BTBD9: variants seen among roughly 807,000 people sequenced by gnomAD.
The protein encoded by BTBD9 is BTB/POZ domain-containing protein 9.
A neutral mutation model predicts 64.3 loss-of-function variants in BTBD9; 49 were observed. The ratio of observed to expected loss-of-function variants is 0.76; its 90% CI spans 0.61 to 0.97. BTBD9 has a LOEUF of 0.97. BTBD9 is among the 50% of genes least tolerant of loss of function. The pLI is 0.00. For synonymous variants in BTBD9, 260 were observed against 274.7 expected (o/e 0.95, Z 0.53); for missense variants, 598 against 762.1 (o/e 0.78, Z 2.53).
chr6:38,565,955 G>A (rs1273222159), intron 6 of BTBD9: 2 of 152,118 alleles, frequency 1.3e-5, no homozygotes, highest in African/African-American at 4.8e-5. Context: ...AAGTAGGTTG[G>A]TCTGAAGTAG....
At chr6:38,350,040 C>A (rs1252159647) in intron 6 of BTBD9, among the ~76,000 whole-genome samples, 2 of 152,186 alleles carry the variant, frequency 1.3e-5, no homozygotes, top group South Asian at 4.1e-4. Flanking sequence ...CCCTTCTTGG[C>A]AGAGAATGTG....
chr6:38,224,907 G>A (rs547486744), intron 9 of BTBD9, among the ~76,000 whole-genome samples: 5 of 152,344 alleles, frequency 3.3e-5, no homozygotes, highest in African/African-American at 1.2e-4. Context: ...TAATAAGTAT[G>A]ATGTTGCAGT....
intron 6 of BTBD9, among the ~76,000 whole-genome samples, chr6:38,485,802 A>G (rs1373048000): frequency 1.3e-5 from 2 of 152,196 alleles, no homozygotes; most frequent in East Asian, 3.8e-4. Context: ...ATTAGCCCCT[A>G]ACAAGAGAAT....
chr6:38,331,767 G>A (rs1056027748), intron 7 of BTBD9, among the ~76,000 whole-genome samples: 2 of 152,026 alleles, frequency 1.3e-5, no homozygotes, highest in South Asian at 2.1e-4. Flanking sequence ...GCTGAGGCAG[G>A]AGGATCATTT....
intron 6 of BTBD9, among the ~76,000 whole-genome samples, chr6:38,426,219 T>A (rs1007791763): frequency 6.6e-6 from 1 of 151,830 alleles, no homozygotes; most frequent in Non-Finnish European, 1.5e-5. Flanking sequence ...GAAGGCCGCA[T>A]CCACCTTTAA....
At chr6:38,224,883 A>C (rs975021466) in intron 9 of BTBD9, among the ~76,000 whole-genome samples, 2 of 152,260 alleles carry the variant, frequency 1.3e-5, no homozygotes, top group African/African-American at 4.8e-5. Flanking sequence ...CAGAACAAAA[A>C]TGTAATTTCA....
intron 8 of BTBD9, among the ~76,000 whole-genome samples, chr6:38,275,793 A>G (rs1227862549): frequency 6.6e-6 from 1 of 152,106 alleles, no homozygotes; most frequent in African/African-American, 2.4e-5. Context: ...CAAAACCACA[A>G]TGAGATACCA....
chr6:38,605,030 T>A (rs1226137021), intron 1 of BTBD9, among the ~76,000 whole-genome samples: 2 of 151,776 alleles, frequency 1.3e-5, no homozygotes, highest in Admixed American at 1.3e-4. Flanking sequence ...AAAATGAGAA[T>A]AAAAATCAGC....
chr6:38,262,991 G>A (rs1301977270), intron 8 of BTBD9, among the ~76,000 whole-genome samples: 1 of 152,194 alleles, frequency 6.6e-6, no homozygotes, highest in East Asian at 1.9e-4. Flanking sequence ...CCACTGGAAG[G>A]CCTGGGACCA....
At chr6:38,584,804 T>G (rs936830196) in intron 4 of BTBD9, among the ~76,000 whole-genome samples, 14 of 152,164 alleles carry the variant, frequency 9.2e-5, no homozygotes, top group African/African-American at 2.9e-4. Context: ...ATTCCTCACT[T>G]ACCTTAACTT....
chr6:38,306,826 A>AT (rs1396757269), intron 7 of BTBD9, among the ~76,000 whole-genome samples: 3 of 152,202 alleles, frequency 2.0e-5, no homozygotes, highest in Non-Finnish European at 2.9e-5. Flanking sequence ...GTAAAAGGAA[A>AT]TAACACTTAG....
At chr6:38,380,819 T>G (rs1185609089) in intron 6 of BTBD9, among the ~76,000 whole-genome samples, 2 of 152,148 alleles carry the variant, frequency 1.3e-5, no homozygotes, top group Non-Finnish European at 2.9e-5. Flanking sequence ...CACTTCAGCC[T>G]GGGCAACAGA....
chr6:38,473,839 A>G (rs1770758536), intron 6 of BTBD9, among the ~76,000 whole-genome samples: 1 of 152,210 alleles, frequency 6.6e-6, no homozygotes, highest in African/African-American at 2.4e-5. Context: ...GGTAGTCAAA[A>G]AGGCTTCTCT....
At chr6:38,281,687 T>C (rs1761518497) in intron 8 of BTBD9, among the ~76,000 whole-genome samples, 1 of 152,206 alleles carries the variant, frequency 6.6e-6, no homozygotes, top group Admixed American at 6.5e-5. Flanking sequence ...TATAATATTT[T>C]CCAACTGAAG....
At chr6:38,254,475 C>CAA (rs566844594) in intron 9 of BTBD9, among the ~76,000 whole-genome samples, 1 of 149,668 alleles carries the variant, frequency 6.7e-6, no homozygotes, top group Non-Finnish European at 1.5e-5. Context: ...AACAAACAAA[C>CAA]AAAAAAAAAC....
At chr6:38,460,162 C>T (rs1331179155) in intron 6 of BTBD9, among the ~76,000 whole-genome samples, 5 of 152,180 alleles carry the variant, frequency 3.3e-5, no homozygotes, top group Non-Finnish European at 5.9e-5. Flanking sequence ...ACTAAACTTC[C>T]AAGGATCTGC....
intron 1 of BTBD9, among the ~76,000 whole-genome samples, chr6:38,637,359 C>T (rs1247811441): frequency 6.6e-6 from 1 of 152,198 alleles, no homozygotes; most frequent in African/African-American, 2.4e-5. Flanking sequence ...TAACTTTACA[C>T]ATCTTGGTTA....
At chr6:38,259,278 TTAATCTTATGATTA>T (rs1764712559) in intron 8 of BTBD9, among the ~76,000 whole-genome samples, 1 of 152,238 alleles carries the variant, frequency 6.6e-6, no homozygotes, top group African/African-American at 2.4e-5. Context: ...TTATTTTCCC[TTAATCTTATGATTA>T]TAATCAGTGA....
At chr6:38,351,928 TTAA>T (rs1300488491) in intron 6 of BTBD9, among the ~76,000 whole-genome samples, 1 of 152,160 alleles carries the variant, frequency 6.6e-6, no homozygotes, top group Non-Finnish European at 1.5e-5. Context: ...ATATTTTGAA[TTAA>T]TATCACAAAA....
Sources: allele counts gnomAD v4.1 joint callset (sites outside exome capture counted in the v4.1 genomes callset), GRCh38; gene constraint gnomAD v4.1.1; transcripts MANE v1.5; gene names NCBI Gene and HGNC (gene_info 2026-07-23, HGNC 2026-07-21).